Variants in HECTD3 observed in about 807,000 individuals in gnomAD.
The protein encoded by HECTD3 is HECT domain E3 ubiquitin protein ligase 3.
HECTD3 carries 72 observed loss-of-function variants against 109.3 expected under a neutral mutation model. That is an observed-to-expected ratio of 0.66 (90% CI 0.54 to 0.80). HECTD3 has a LOEUF of 0.80. Among genes scored for constraint, HECTD3 ranks in the 30% least tolerant of loss-of-function variants. The pLI, the probability that HECTD3 is intolerant of heterozygous loss-of-function variation, is 0.00. For synonymous variants in HECTD3, 481 were observed against 471.8 expected (o/e 1.02, Z -0.25); for missense variants, 1,041 against 1,165.2 (o/e 0.89, Z 1.55).
At position 45,009,975 on chromosome 1, in the gene HECTD3, C is replaced by T. The variant is rs1247268601; in HGVS notation, c.759+11G>A. 1 of 1,523,650 alleles carries T rather than the reference C, an allele frequency of 6.6e-7. No individual in the cohort carries two copies. Among genetic ancestry groups the T allele is most frequent in the Non-Finnish European group, 8.8e-7 (1 of 1,134,294 alleles). 94.4% of individuals were successfully genotyped at this position (1,523,650 alleles called of 1,614,324 possible). On this transcript the variant is annotated intron_variant, in intron 4 of 20. Coordinates refer to ENST00000372172, the MANE Select transcript of HECTD3 (RefSeq NM_024602.6). The stretch of plus-strand genomic sequence containing the variant: ...TATCTTGCCTGGGGTGGGAGGAGCC[C>T]CAGCACCCACCGTGTAGGAGGAAAC...
rs570854697 is a variant in HECTD3, at chr1:45,009,627, G to T, written c.816C>A (p.Ser272Arg). The T allele has an allele frequency of 1.9e-6, 3 of 1,613,908 alleles. No individual in the cohort carries two copies. The highest frequency in any genetic ancestry group is 2.5e-6 in the Non-Finnish European group (3 of 1,179,970). Reference sequence around the variant, plus strand: ...CCCAGTGTTGGCACTGGGACCCATCGCTCTCCCAGTAGGTATCGGCATTGC... The same window carrying T: ...CCCAGTGTTGGCACTGGGACCCATCTCTCTCCCAGTAGGTATCGGCATTGC... Reference protein sequence around the residue: ...TDSNADTYWESDGSQCQHWVR... With the variant: ...TDSNADTYWERDGSQCQHWVR... Residue 272 changes from serine to arginine, a missense_variant, in exon 5 of 21, where the codon AGC (serine) becomes AGA (arginine). By Grantham distance (110) the Ser-to-Arg change is moderately radical. Around this residue, in one of 2 missense-constraint regions of HECTD3, gnomAD observed 472 missense variants for 449.9 expected, o/e 1.05. Coordinates refer to ENST00000372172, the MANE Select transcript of HECTD3 (RefSeq NM_024602.6).
chr1:45,009,014 A>G, intron 7 of HECTD3, 130 bp downstream of exon 7: 1 of 799,672 alleles, frequency 1.3e-6, no homozygotes, highest in Admixed American at 2.1e-5. Context: ...CAAAGCTCCA[A>G]ATCCTGGAGT....
At chr1:45,009,542 C>CA (rs755304257) in intron 5 of HECTD3, 26 bp downstream of exon 5, 1 of 1,607,656 alleles carries the variant, frequency 6.2e-7, no homozygotes, top group South Asian at 1.1e-5. Flanking sequence ...AGCCCACCCA[C>CA]CCTGTCCTGC....
rs1196389212 is a variant in HECTD3, at chr1:45,010,266, G to A, written c.558C>T (p.Tyr186=). 1 of 1,614,056 alleles carries A rather than the reference G, an allele frequency of 6.2e-7. No individual in the cohort carries two copies. The highest frequency in any genetic ancestry group is 1.3e-5 in the African/African-American group (1 of 75,018). Residue 186 remains tyrosine (Y), a synonymous_variant, in exon 3 of 21, where the codon TAC becomes TAT. Transcript: ENST00000372172. ...GAGGTCTCGATCCCAGGCGATGTGA[G>A]TATGTCAGGTCCACCACCTGTTCCC... is the stretch of plus-strand genomic sequence containing the variant. ...LRWEQVVDLT[Y]SHRLGSRPQP...
At chr1:45,004,434 C>T in intron 16 of HECTD3, 57 bp from the exon 17 acceptor site, 3 of 1,612,208 alleles carry the variant, frequency 1.9e-6, no homozygotes, top group Admixed American at 1.7e-5. Flanking sequence ...CCGCCTCACA[C>T]TGGGGGGCAT....
intron 4 of HECTD3, 118 bp downstream of exon 4, chr1:45,009,866 TGA>T: frequency 1.5e-6 from 2 of 1,291,800 alleles, no homozygotes; most frequent in Non-Finnish European, 2.1e-6. Flanking sequence ...GGAGCTGAAC[TGA>T]GTGTGGCCTG....
In HECTD3 at chr1:45,005,977, G is replaced by T. The variant is rs1028545593; in HGVS notation, c.1845+20C>A. The T allele has an allele frequency of 9.3e-6, 15 of 1,612,424 alleles. No individual in the cohort carries two copies. Among genetic ancestry groups the T allele is most frequent in the Non-Finnish European group, 1.3e-5 (15 of 1,178,824 alleles). On this transcript the variant is annotated intron_variant, in intron 14 of 20. Transcript: ENST00000372172. ...AAGGGCCAGGGCTGATCGGACGGGG[G>T]TGTGGATAAGGCTACTCACCAGGAA...
Position 45,008,688 on chromosome 1 carries a change from A to G in HECTD3, c.1086T>C (p.Asp362=), listed in dbSNP as rs1328763541. The G allele has an allele frequency of 1.9e-6, 3 of 1,613,192 alleles. No homozygotes were observed. The highest frequency in any genetic ancestry group is 1.3e-5 in the African/African-American group (1 of 74,882). ...TGATCTTGACCCCTCGGAGACGAAC[A>G]TCAATCCCATCATCTGGGGGAAGGG... The part of the protein sequence containing the change: ...RIVECRDDGI[D]VRLRGVKIKS... The change falls in exon 8 of 21, where the codon GAT becomes GAC. Residue 362 remains aspartate (D), a synonymous_variant. Transcript: ENST00000372172.
chr1:45,009,484 T>C lies in HECTD3; in HGVS notation c.876-2A>G. The C allele has an allele frequency of 3.7e-6, 6 of 1,613,228 alleles. No individual in the cohort carries two copies. Among genetic ancestry groups the C allele is most frequent in the Non-Finnish European group, 5.1e-6 (6 of 1,179,188 alleles). On this transcript the variant is annotated splice_acceptor_variant, in intron 5 of 20. Transcript: ENST00000372172. LOFTEE classifies it high-confidence loss of function. Reference sequence around the variant, plus strand: ...GTATCCACTGTGAGTAGCAGCTTCCTGAAGGGTCAGAGTGTGAATATGAGT... The same window carrying C: ...GTATCCACTGTGAGTAGCAGCTTCCCGAAGGGTCAGAGTGTGAATATGAGT...
Position 45,006,106 on chromosome 1 carries a change from G to A in HECTD3, c.1736C>T (p.Thr579Ile). 6.2e-7 allele frequency: 1 copy of A among 1,614,034 alleles called. No homozygotes were observed. The change falls in exon 14 of 21, where the codon ACT (threonine) becomes ATT (isoleucine). Residue 579 changes from threonine (T) to isoleucine (I), a missense_variant. Physicochemically the swap from Thr to Ile is moderately conservative, Grantham distance 89. Around this residue, in one of 2 missense-constraint regions of HECTD3, gnomAD observed 569 missense variants for 715.3 expected, o/e 0.80. Coordinates refer to ENST00000372172, the MANE Select transcript of HECTD3 (RefSeq NM_024602.6). This position sits in a 1 kb window ranked among gnomAD's most constrained non-coding sequence, Gnocchi z 4.7. ...FVRTANQGNGTGEARDMYVPN... is the reference protein window; with the variant it reads ...FVRTANQGNGIGEARDMYVPN... ...TACATACATGTCCCGAGCCTCACCA[G>A]TGCCATTGCCCTGCCCCAGAGACAG... is the stretch of plus-strand genomic sequence containing the variant.
chr1:45,005,560 T>A (rs1436911952), intron 15 of HECTD3: 2 of 411,802 alleles, frequency 4.9e-6, no homozygotes, highest in Non-Finnish European at 8.6e-6. Flanking sequence ...GATGCCATCT[T>A]GGGGCAAACG....
At chr1:45,005,725 GA>G in intron 15 of HECTD3, 68 bp downstream of exon 15, 1 of 1,262,366 alleles carries the variant, frequency 7.9e-7, no homozygotes, top group Admixed American at 2.3e-5. Context: ...ACAAGGTACA[GA>G]ACAGCCTTAG....
At position 45,006,074 on chromosome 1, in the gene HECTD3, G is replaced by C; in HGVS notation, c.1768C>G (p.Pro590Ala). 6.2e-7 allele frequency: 1 copy of C among 1,614,176 alleles called. No individual in the cohort carries two copies. The highest frequency in any genetic ancestry group is 8.5e-7 in the Non-Finnish European group (1 of 1,180,032). ...GEARDMYVPN[P>A]SCRDFAKYEW... ...TACTTGGCAAAGTCTCGGCAGGAGGGGTTGGGTACATACATGTCCCGAGCC... is the reference window on the plus strand; with the variant it reads ...TACTTGGCAAAGTCTCGGCAGGAGGCGTTGGGTACATACATGTCCCGAGCC... The change falls in exon 14 of 21, where the codon CCC (proline) becomes GCC (alanine). Residue 590 changes from proline to alanine, a missense_variant. Transcript: ENST00000372172. The surrounding 1 kb of genome is among the most constrained non-coding windows in gnomAD (Gnocchi z 4.7).
At chr1:45,004,536 G>A in intron 16 of HECTD3, 64 bp downstream of exon 16, 1 of 1,599,786 alleles carries the variant, frequency 6.3e-7, no homozygotes, top group African/African-American at 1.3e-5. Flanking sequence ...CTGTGTTCTG[G>A]GTCCCAGGAG....
chr1:45,004,245 C>T lies in HECTD3; in HGVS notation c.2272+3G>A, dbSNP rs780884717. ...CTGCCCTGCCCTGCCTTGGGGAACT[C>T]ACTGAGCTTGCGCAGAGCATCCACA... is the stretch of plus-strand genomic sequence containing the variant. On this transcript the variant is annotated splice_donor_region_variant and intron_variant, in intron 17 of 20. Transcript: ENST00000372172. 4.2e-5 allele frequency: 68 copies of T among 1,613,908 alleles called. No individual in the cohort carries two copies. The highest frequency in any genetic ancestry group is 4.9e-5 in the Non-Finnish European group (58 of 1,179,890).
At chr1:45,005,366 T>C (rs921418773) in intron 15 of HECTD3, 10 of 195,650 alleles carry the variant, frequency 5.1e-5, no homozygotes, top group African/African-American at 1.9e-4. Context: ...GAGACAGTAG[T>C]GAGACAGGAA....
rs1378911901 is a variant in HECTD3, at chr1:45,009,178, G to C, written c.1038C>G (p.Leu346=). 1.2e-6 allele frequency: 2 copies of C among 1,614,082 alleles called. No homozygotes were observed. The highest frequency in any genetic ancestry group is 2.2e-5 in the South Asian group (2 of 91,072). Residue 346 remains leucine (L), a synonymous_variant, in exon 7 of 21, where the codon CTC becomes CTG. Coordinates refer to ENST00000372172, the MANE Select transcript of HECTD3 (RefSeq NM_024602.6). ...VCVLEDMTVH[L]PIIEIRIVEC... ...CCACGATGCGGATCTCGATGATCGGGAGGTGGACGGTCATGTCCTCCAGGA... is the reference window on the plus strand; with the variant it reads ...CCACGATGCGGATCTCGATGATCGGCAGGTGGACGGTCATGTCCTCCAGGA...
At position 45,010,894 on chromosome 1, in the gene HECTD3, T is replaced by C. The variant is rs899846254; in HGVS notation, c.364A>G (p.Thr122Ala). ...CNGHGLWVKL[T>A]KEQLAEHLGD... is the part of the protein sequence containing the mutation. ...CTGGGCAGGGAAGAGCGCACCTTTG[T>C]CAGCTTCACCCAGAGCCCGTGGCCA... is the stretch of plus-strand genomic sequence containing the variant. The change falls in exon 1 of 21, where the codon ACA (threonine) becomes GCA (alanine). Residue 122 changes from threonine (T) to alanine (A), a missense_variant. Thr to Ala is a moderately conservative substitution (Grantham distance 58, BLOSUM62 0). Around this residue, in one of 2 missense-constraint regions of HECTD3, gnomAD observed 472 missense variants for 449.9 expected, o/e 1.05. Transcript: ENST00000372172. 4 of 1,524,990 alleles carry C rather than the reference T, an allele frequency of 2.6e-6. No individual in the cohort carries two copies. The highest frequency in any genetic ancestry group is 2.6e-6 in the Non-Finnish European group (3 of 1,148,202). 94.5% of individuals were successfully genotyped at this position (1,524,990 alleles called of 1,614,324 possible).
chr1:45,007,031 G>C lies in HECTD3; in HGVS notation c.1557-16C>G. The C allele has an allele frequency of 6.2e-7, 1 of 1,613,984 alleles. No homozygotes were observed. The highest frequency in any genetic ancestry group is 2.2e-5 in the East Asian group (1 of 44,882). On this transcript the variant is annotated splice_polypyrimidine_tract_variant and intron_variant, in intron 11 of 20. Coordinates refer to ENST00000372172, the MANE Select transcript of HECTD3 (RefSeq NM_024602.6). ...CATGGGCCACCTGCAAAAAACGTGG[G>C]CAGATTTGTCATTATGTGGGGCCAG... is the stretch of plus-strand genomic sequence containing the variant.
Sources: gnomAD v4.1 joint callset for allele counts on GRCh38, gnomAD v4.1.1 for gene constraint, gnomAD v4.1.1 regional missense constraint, Gnocchi (gnomAD v3.1) non-coding constraint, MANE v1.5 for transcripts, NCBI Gene and HGNC (gene_info 2026-07-23, HGNC 2026-07-21) for gene names.